Variants in NBAS observed in about 807,000 individuals in gnomAD.
NBAS encodes NBAS subunit of NRZ tethering complex.
A neutral mutation model predicts 302.5 loss-of-function variants in NBAS; 219 were observed. That is an observed-to-expected ratio of 0.72 (90% CI 0.65 to 0.81). The LOEUF (loss-of-function observed/expected upper bound fraction) is 0.81. Ranked by LOEUF, NBAS falls within the 30% of genes least tolerant of loss-of-function variation. The pLI is 0.00. For missense variants in NBAS, 2,932 were observed against 2,841.6 expected, an observed-to-expected ratio of 1.03 and a Z score of -0.72; for synonymous variants, 1,118 against 1,021.6, an observed-to-expected ratio of 1.09 and a Z score of -1.80.
the NBAS span, among the ~76,000 whole-genome samples, chr2:15,144,973 CT>C: frequency 1.3e-5 from 2 of 152,204 alleles, no homozygotes; most frequent in South Asian, 4.1e-4. Context: ...ACTAGAACTA[CT>C]AAGCTTTCCA....
chr2:15,259,621 C>T lies in NBAS; in HGVS notation c.5724+15863G>A, dbSNP rs115857558. Among the ~76,000 whole-genome samples the T allele has an allele frequency of 2.5e-3, 375 of 152,322 alleles. 2 individuals are homozygous for T. The highest frequency in any genetic ancestry group is 8.8e-3 in the African/African-American group (364 of 41,574). ...GATCAGTCTCTTTGCAATATAAACA[C>T]TCAAGGAGCCAACTCTCTGTGGGAG... On this transcript the variant is annotated intron_variant, in intron 44 of 51. Transcript: ENST00000281513.
At chr2:14,987,229 A>T in the NBAS span, among the ~76,000 whole-genome samples, 1 of 152,126 alleles carries the variant, frequency 6.6e-6, no homozygotes, top group African/African-American at 2.4e-5. Flanking sequence ...TACTTGACAA[A>T]CATCAGTTGC....
the NBAS span, among the ~76,000 whole-genome samples, chr2:15,084,634 T>C: frequency 6.7e-6 from 1 of 150,340 alleles, no homozygotes; most frequent in Non-Finnish European, 1.5e-5. Context: ...CATCTTCCAC[T>C]TCTGGAGGCA....
the NBAS span, among the ~76,000 whole-genome samples, chr2:14,850,397 C>T: frequency 3.0e-5 from 3 of 99,888 alleles, 1 homozygote; most frequent in South Asian, 2.7e-4. Context: ...AATATATATG[C>T]ACCCAATACA....
the NBAS span, among the ~76,000 whole-genome samples, chr2:15,069,845 G>A: frequency 6.6e-6 from 1 of 152,190 alleles, no homozygotes; most frequent in Admixed American, 6.5e-5. Context: ...AAAAATGCGA[G>A]TAGATCAGCA....
chr2:15,501,031 G>A (rs1661520695), intron 11 of NBAS, among the ~76,000 whole-genome samples: 1 of 152,114 alleles, frequency 6.6e-6, no homozygotes, highest in African/African-American at 2.4e-5. Flanking sequence ...GCCAGGCATG[G>A]TGGCTCACGC....
chr2:15,414,638 T>C (rs1676832596), intron 25 of NBAS, among the ~76,000 whole-genome samples: 1 of 152,188 alleles, frequency 6.6e-6, no homozygotes, highest in African/African-American at 2.4e-5. Context: ...AATATAAGAA[T>C]TATTAAGAAT....
At chr2:15,305,508 AC>A (rs1224336803) in intron 40 of NBAS, among the ~76,000 whole-genome samples, 21 of 148,508 alleles carry the variant, frequency 1.4e-4, no homozygotes, top group African/African-American at 5.2e-4. Context: ...GCGGAGTGCA[AC>A]GGCGCGATCT....
At chr2:15,322,534 C>T (rs1378008126) in intron 38 of NBAS, among the ~76,000 whole-genome samples, 1 of 152,036 alleles carries the variant, frequency 6.6e-6, no homozygotes, top group South Asian at 2.1e-4. Flanking sequence ...AGGAAAGTTG[C>T]CCATATTATT....
rs1558434398 is a variant in NBAS, at chr2:15,553,424, A to G, written c.335+2T>C. 1 of 1,604,490 alleles carries G rather than the reference A, an allele frequency of 6.2e-7. No homozygotes were observed. Among genetic ancestry groups the G allele is most frequent in the Non-Finnish European group, 8.5e-7 (1 of 1,171,402 alleles). The stretch of plus-strand genomic sequence containing the variant: ...TTGAATATGAATAATATTAACAATT[A>G]CCTGATTTCCACACACTGATCTTGA... On this transcript the variant is annotated splice_donor_variant, in intron 5 of 51. Coordinates refer to ENST00000281513, the MANE Select transcript of NBAS (RefSeq NM_015909.4). LOFTEE classifies it high-confidence loss of function.
chr2:15,460,578 C>T (rs149326374), intron 21 of NBAS, among the ~76,000 whole-genome samples: 22 of 152,278 alleles, frequency 1.4e-4, no homozygotes, highest in Non-Finnish European at 2.8e-4. Context: ...CAAATGTACT[C>T]CCTCTCCTTT....
At chr2:15,090,976 C>T in the NBAS span, among the ~76,000 whole-genome samples, 5 of 152,246 alleles carry the variant, frequency 3.3e-5, no homozygotes, top group South Asian at 2.1e-4. Context: ...ACCCTCGTAC[C>T]TTACCTACAA....
At chr2:14,800,234 G>A in the NBAS span, among the ~76,000 whole-genome samples, 4 of 152,198 alleles carry the variant, frequency 2.6e-5, no homozygotes, top group African/African-American at 7.2e-5. Context: ...TCCACATGTT[G>A]AAGGAGAACC....
At chr2:15,329,415 C>T (rs958937937) in intron 36 of NBAS, among the ~76,000 whole-genome samples, 1 of 152,182 alleles carries the variant, frequency 6.6e-6, no homozygotes, top group African/African-American at 2.4e-5. Flanking sequence ...TCATCACTAC[C>T]ATGGTTCAAA....
chr2:14,812,639 G>T, the NBAS span, among the ~76,000 whole-genome samples: 3 of 152,172 alleles, frequency 2.0e-5, no homozygotes, highest in Non-Finnish European at 4.4e-5. Flanking sequence ...GAAATGGAAA[G>T]AAGGAAGAAG....
chr2:15,303,600 G>A (rs1030016233), intron 40 of NBAS, among the ~76,000 whole-genome samples: 1 of 151,996 alleles, frequency 6.6e-6, no homozygotes, highest in Non-Finnish European at 1.5e-5. Flanking sequence ...GTGTGAATTT[G>A]GAAAGAGTGG....
At chr2:15,478,785 C>T (rs1680301680) in intron 12 of NBAS, among the ~76,000 whole-genome samples, 2 of 152,128 alleles carry the variant, frequency 1.3e-5, no homozygotes, top group Admixed American at 1.3e-4. Flanking sequence ...TGCAGTCCTT[C>T]CTAAAAATGA....
At chr2:15,380,559 AAATT>A (rs1192411583) in intron 29 of NBAS, among the ~76,000 whole-genome samples, 2 of 120,256 alleles carry the variant, frequency 1.7e-5, no homozygotes, top group African/African-American at 5.9e-5. Context: ...TACATATTAA[AAATT>A]ATTTAAATAA....
At chr2:14,815,568 C>T in the NBAS span, among the ~76,000 whole-genome samples, 1 of 152,204 alleles carries the variant, frequency 6.6e-6, no homozygotes, top group Non-Finnish European at 1.5e-5. Flanking sequence ...AGCCTCTTCT[C>T]TCTCTGTTTA....
Sources: gnomAD v4.1 joint callset for allele counts (sites outside exome capture counted in the v4.1 genomes callset) on GRCh38, gnomAD v4.1.1 for gene constraint, MANE v1.5 for transcripts, NCBI Gene and HGNC (gene_info 2026-07-23, HGNC 2026-07-21) for gene names.